FANCC: variants seen among roughly 807,000 people sequenced by gnomAD.
The protein encoded by FANCC is Fanconi anemia group C protein.
Under a neutral mutation model 71.3 loss-of-function variants are expected in FANCC, and 55 were observed. The ratio of observed to expected loss-of-function variants is 0.77; its 90% CI spans 0.62 to 0.97. The LOEUF is 0.97. FANCC is among the 50% of genes least tolerant of loss of function. FANCC has a pLI of 0.00. For synonymous variants in FANCC, 275 were observed against 244.9 expected (o/e 1.12, Z -1.15); for missense variants, 678 against 670.9 (o/e 1.01, Z -0.12).
intron 1 of FANCC, among the ~76,000 whole-genome samples, chr9:95,266,259 T>C (rs572368400): frequency 9.2e-5 from 14 of 152,256 alleles, no homozygotes; most frequent in African/African-American, 4.8e-5. Context: ...ATAAAAAATA[T>C]ACAAATTAAA....
chr9:95,256,519 C>T, intron 1 of FANCC, among the ~76,000 whole-genome samples: 1 of 152,126 alleles, frequency 6.6e-6, no homozygotes, highest in Admixed American at 6.6e-5. Context: ...GCCTGCCTTA[C>T]AAGAGCTCTT....
At chr9:95,307,225 T>G (rs1835120729) in intron 1 of FANCC, among the ~76,000 whole-genome samples, 1 of 152,080 alleles carries the variant, frequency 6.6e-6, no homozygotes, top group Non-Finnish European at 1.5e-5. Flanking sequence ...ATGGTTATTG[T>G]GAGAATCCCA....
At chr9:95,255,467 A>G (rs1235081838) in intron 1 of FANCC, among the ~76,000 whole-genome samples, 6 of 152,202 alleles carry the variant, frequency 3.9e-5, no homozygotes, top group Non-Finnish European at 7.3e-5. Context: ...TGACTGTTAG[A>G]AGGAAAACTA....
At chr9:95,105,973 T>G (rs1192188548) in intron 14 of FANCC, among the ~76,000 whole-genome samples, 1 of 152,250 alleles carries the variant, frequency 6.6e-6, no homozygotes, top group Non-Finnish European at 1.5e-5. Flanking sequence ...TTCGGCTCTC[T>G]GGGTTATAGA....
Position 95,135,540 on chromosome 9 carries a change from G to T in FANCC, c.687-38C>A, listed in dbSNP as rs751264157. ...AATAAACAAAATTTTAAACAGAAAT[G>T]GCTCACTGAAAAAAGAAGATTAAAA... On this transcript the variant is annotated intron_variant, in intron 7 of 14. Coordinates refer to ENST00000289081, the MANE Select transcript of FANCC (RefSeq NM_000136.3). The T allele has an allele frequency of 2.5e-6, 4 of 1,590,066 alleles. No homozygotes were observed. In the Admixed American group the frequency reaches 6.8e-5, roughly 27 times the overall value.
chr9:95,253,498 G>A (rs1831477933), intron 1 of FANCC, among the ~76,000 whole-genome samples: 1 of 152,104 alleles, frequency 6.6e-6, no homozygotes, highest in Non-Finnish European at 1.5e-5. Flanking sequence ...TTCCTTACAT[G>A]GTTTCTGAGG....
intron 1 of FANCC, among the ~76,000 whole-genome samples, chr9:95,270,274 T>C (rs976934245): frequency 6.6e-6 from 1 of 152,128 alleles, no homozygotes; most frequent in African/African-American, 2.4e-5. Flanking sequence ...ACTAGTCCTC[T>C]CATCCAGTAC....
chr9:95,199,201 C>T (rs1446421351), intron 4 of FANCC, among the ~76,000 whole-genome samples: 1 of 152,066 alleles, frequency 6.6e-6, no homozygotes, highest in East Asian at 1.9e-4. Flanking sequence ...ACAATCTGTT[C>T]CACAGACTGC....
At chr9:95,173,934 T>C (rs373058169) in intron 4 of FANCC, among the ~76,000 whole-genome samples, 4 of 152,096 alleles carry the variant, frequency 2.6e-5, no homozygotes, top group East Asian at 1.9e-4. Flanking sequence ...TTTAATAGTA[T>C]TTAAAATGGT....
intron 6 of FANCC, among the ~76,000 whole-genome samples, chr9:95,155,952 C>T (rs1440529106): frequency 6.6e-6 from 1 of 151,220 alleles, no homozygotes; most frequent in African/African-American, 2.4e-5. Context: ...TCTCAAACTC[C>T]TGGGTTCAAG....
chr9:95,301,175 AACACACACAC>A lies in FANCC; in HGVS notation c.-79+16341_-79+16350del, dbSNP rs146415585. 1.2e-4 allele frequency among the ~76,000 whole-genome samples: 18 copies of A among 146,092 alleles called. No individual in the cohort carries two copies. In the East Asian group the frequency reaches 3.2e-3, roughly 26 times the overall value. ...AAGTCAGTATAACAATAACCATCAA[AACACACACAC>A]ACACACACACACACACACACAAAAT... On this transcript the variant is annotated intron_variant, in intron 1 of 14. Coordinates refer to ENST00000289081, the MANE Select transcript of FANCC (RefSeq NM_000136.3).
At chr9:95,226,192 C>T (rs1011865450) in intron 4 of FANCC, among the ~76,000 whole-genome samples, 4 of 152,182 alleles carry the variant, frequency 2.6e-5, no homozygotes, top group Non-Finnish European at 5.9e-5. Flanking sequence ...TAGAACCTAC[C>T]ACCAATTCTG....
In FANCC at chr9:95,102,488, T is replaced by TG. The variant is rs111819312; in HGVS notation, c.1534-639dup. Among the ~76,000 whole-genome samples the TG allele has an allele frequency of 3.7e-3, 565 of 152,332 alleles. 3 individuals are homozygous for TG. Among genetic ancestry groups the TG allele is most frequent in the African/African-American group, 0.013 (544 of 41,578 alleles). On this transcript the variant is annotated intron_variant, in intron 14 of 14. Transcript: ENST00000289081. ...GTGAGAATCTTACAATTTAGCTGTG[T>TG]GGGGAATTTATGGTTCTTTAAGCAC...
chr9:95,249,191 G>C lies in FANCC; in HGVS notation c.101C>G (p.Thr34Ser). Residue 34 changes from threonine to serine, a missense_variant, in exon 2 of 15, where the codon ACC (threonine) becomes AGC (serine). Coordinates refer to ENST00000289081, the MANE Select transcript of FANCC (RefSeq NM_000136.3). ...CTGGAACTGAGCCACGTGAAGACAGGTGTCTTGCTGGGTTTCCAAAGTGGA... is the reference window on the plus strand; with the variant it reads ...CTGGAACTGAGCCACGTGAAGACAGCTGTCTTGCTGGGTTTCCAAAGTGGA... ...QASTLETQQD[T>S]CLHVAQFQEF... 6.2e-7 allele frequency: 1 copy of C among 1,614,130 alleles called. No homozygotes were observed. Among genetic ancestry groups the C allele is most frequent in the Non-Finnish European group, 8.5e-7 (1 of 1,180,004 alleles).
chr9:95,139,361 T>C (rs1223492282), intron 7 of FANCC, among the ~76,000 whole-genome samples: 1 of 152,200 alleles, frequency 6.6e-6, no homozygotes, highest in African/African-American at 2.4e-5. Context: ...TGGCCAGTCA[T>C]GTGGTGCCAC....
At chr9:95,152,191 A>C (rs540610595) in intron 6 of FANCC, among the ~76,000 whole-genome samples, 10 of 152,172 alleles carry the variant, frequency 6.6e-5, no homozygotes, top group Non-Finnish European at 1.2e-4. Context: ...TGTTCATTTA[A>C]TACCTATTTA....
chr9:95,240,808 A>G, intron 3 of FANCC, 65 bp from the exon 4 acceptor site: 1 of 917,186 alleles, frequency 1.1e-6, no homozygotes, highest in South Asian at 1.4e-5. Flanking sequence ...AAAACACTGT[A>G]AACATTATAT....
intron 1 of FANCC, among the ~76,000 whole-genome samples, chr9:95,263,396 T>C (rs1015546101): frequency 2.0e-5 from 3 of 152,024 alleles, no homozygotes; most frequent in Non-Finnish European, 2.9e-5. Context: ...ACAGAGCAGG[T>C]AATTTCAAAT....
chr9:95,165,064 G>C (rs1046821217), intron 6 of FANCC, among the ~76,000 whole-genome samples: 2 of 151,408 alleles, frequency 1.3e-5, no homozygotes, highest in Non-Finnish European at 3.0e-5. Context: ...CAATTTGTTG[G>C]TATATAATTG....
Sources: gnomAD v4.1 joint callset for allele counts (sites outside exome capture counted in the v4.1 genomes callset) on GRCh38, gnomAD v4.1.1 for gene constraint, MANE v1.5 for transcripts, NCBI Gene and HGNC (gene_info 2026-07-23, HGNC 2026-07-21) for gene names.